Variants in NEIL3 observed in about 807,000 individuals in gnomAD.
NEIL3 encodes the protein nei like DNA glycosylase 3.
A neutral mutation model predicts 57.5 loss-of-function variants in NEIL3; 48 were observed. The ratio of observed to expected loss-of-function variants is 0.83; its 90% CI spans 0.66 to 1.06. The LOEUF (loss-of-function observed/expected upper bound fraction) is 1.06, where lower values mean the gene tolerates loss of function less well. Ranked by LOEUF, NEIL3 falls within the 50% of genes least tolerant of loss-of-function variation. The pLI is 0.00. For missense variants in NEIL3, 717 were observed against 739.1 expected (o/e 0.97, Z 0.35); for synonymous variants, 261 against 253.2 (o/e 1.03, Z -0.29).
chr4:177,324,435 T>G (rs1461754617), intron 2 of NEIL3, among the ~76,000 whole-genome samples: 1 of 152,150 alleles, frequency 6.6e-6, no homozygotes, highest in African/African-American at 2.4e-5. Flanking sequence ...CATTTGTTAA[T>G]GAAAGTAGAA....
At chr4:177,319,230 A>G (rs34182178) in intron 1 of NEIL3, among the ~76,000 whole-genome samples, 1 of 152,302 alleles carries the variant, frequency 6.6e-6, no homozygotes, top group East Asian at 1.9e-4. Flanking sequence ...AGTAGCCATT[A>G]TAAAACCTGG....
intron 8 of NEIL3, among the ~76,000 whole-genome samples, chr4:177,359,997 T>C (rs544529170): frequency 1.2e-4 from 18 of 152,324 alleles, no homozygotes; most frequent in Non-Finnish European, 2.4e-4. Flanking sequence ...AAGAAAAGCA[T>C]AGAAAATTGT....
intron 4 of NEIL3, among the ~76,000 whole-genome samples, chr4:177,338,980 A>G (rs1735031321): frequency 6.6e-6 from 1 of 152,232 alleles, no homozygotes; most frequent in Admixed American, 6.5e-5. Flanking sequence ...AAATGTATAA[A>G]TAGGAATCAT....
intron 2 of NEIL3, 78 bp from the exon 3 acceptor site, chr4:177,335,610 A>G: frequency 1.4e-6 from 2 of 1,391,850 alleles, no homozygotes; most frequent in Non-Finnish European, 2.0e-6. Flanking sequence ...TAATCCAAAA[A>G]AAAAATGATA....
At chr4:177,350,897 AGGG>A (rs34832361) in intron 6 of NEIL3, among the ~76,000 whole-genome samples, 4,148 of 152,106 alleles carry the variant, frequency 0.027, 162 homozygotes, top group African/African-American at 0.082. Context: ...TAGTTGTTAA[AGGG>A]GGGTCCAGGT....
At chr4:177,335,536 A>G in intron 2 of NEIL3, 152 bp from the exon 3 acceptor site, 1 of 534,338 alleles carries the variant, frequency 1.9e-6, no homozygotes, top group South Asian at 3.1e-5. Context: ...AAAAATATAT[A>G]ATAATCTTAC....
the NEIL3 span, among the ~76,000 whole-genome samples, chr4:177,369,200 A>G: frequency 6.6e-6 from 1 of 152,170 alleles, no homozygotes; most frequent in Non-Finnish European, 1.5e-5. Context: ...ATGAGTCAGG[A>G]GCTAGGAGAG....
chr4:177,341,765 T>C, intron 6 of NEIL3, 123 bp downstream of exon 6: 1 of 838,372 alleles, frequency 1.2e-6, no homozygotes, highest in South Asian at 2.1e-5. Flanking sequence ...CAAAAGTATT[T>C]TAGTCCTTGA....
chr4:177,322,656 G>A, intron 2 of NEIL3, 76 bp downstream of exon 2: 1 of 1,571,358 alleles, frequency 6.4e-7, no homozygotes, highest in Non-Finnish European at 8.7e-7. Context: ...AGTTTGCCGG[G>A]TGTCACATTT....
intron 5 of NEIL3, among the ~76,000 whole-genome samples, chr4:177,340,561 A>G (rs1015218845): frequency 6.6e-6 from 1 of 152,212 alleles, no homozygotes; most frequent in Non-Finnish European, 1.5e-5. Context: ...TAAAATGTGA[A>G]TGAACCTCTT....
At chr4:177,365,206 A>G (rs565849199), downstream of NEIL3, among the ~76,000 whole-genome samples, 81 of 152,194 alleles carry the variant, frequency 5.3e-4, no homozygotes, top group South Asian at 1.0e-3. Context: ...ACCACATCCA[A>G]GGATGTGTGC....
chr4:177,361,596 ATAT>A (rs1224872151), intron 9 of NEIL3, among the ~76,000 whole-genome samples: 2 of 152,202 alleles, frequency 1.3e-5, no homozygotes, highest in Non-Finnish European at 2.9e-5. Flanking sequence ...TAATGGGAAA[ATAT>A]TATTAGCAAT....
At chr4:177,337,329 T>G (rs974594518) in intron 4 of NEIL3, among the ~76,000 whole-genome samples, 47 of 152,204 alleles carry the variant, frequency 3.1e-4, no homozygotes, top group Admixed American at 1.3e-4. Flanking sequence ...ATTGACTCTA[T>G]TAACTAAATT....
chr4:177,312,015 G>C (rs1734487514), intron 1 of NEIL3, among the ~76,000 whole-genome samples: 1 of 152,208 alleles, frequency 6.6e-6, no homozygotes, highest in South Asian at 2.1e-4. Flanking sequence ...TCTGCTGTGA[G>C]AGTCCAACCT....
intron 1 of NEIL3, among the ~76,000 whole-genome samples, chr4:177,312,361 C>CT (rs540160261): frequency 1.3e-3 from 198 of 152,214 alleles, no homozygotes; most frequent in Non-Finnish European, 2.3e-3. Context: ...ATCTTTATTG[C>CT]TTTTTTAGCA....
At chr4:177,343,517 G>C (rs1735141762) in intron 6 of NEIL3, 1 of 152,516 alleles carries the variant, frequency 6.6e-6, no homozygotes, top group African/African-American at 2.4e-5. Context: ...TGTCTGTAGA[G>C]CTGGGGGCAG....
At chr4:177,310,862 C>A (rs182180776) in intron 1 of NEIL3, among the ~76,000 whole-genome samples, 10 of 152,282 alleles carry the variant, frequency 6.6e-5, no homozygotes, top group Admixed American at 3.9e-4. Flanking sequence ...ATTTCAATTT[C>A]TTCTGCAAAG....
the NEIL3 span, among the ~76,000 whole-genome samples, chr4:177,369,794 T>C: frequency 6.6e-6 from 1 of 152,186 alleles, no homozygotes; most frequent in Non-Finnish European, 1.5e-5. Context: ...CCTCATCTGT[T>C]AGATGGTGAC....
chr4:177,356,692 CT>C (rs1735478644), intron 8 of NEIL3, among the ~76,000 whole-genome samples: 1 of 152,050 alleles, frequency 6.6e-6, no homozygotes, highest in Non-Finnish European at 1.5e-5. Flanking sequence ...AATTACTGTT[CT>C]CATTACCACA....
Sources: allele counts gnomAD v4.1 joint callset (sites outside exome capture counted in the v4.1 genomes callset), GRCh38; gene constraint gnomAD v4.1.1; transcripts MANE v1.5; gene names NCBI Gene and HGNC (gene_info 2026-07-23, HGNC 2026-07-21).